The following NCAPG2 variants were observed in gnomAD, a reference collection of about 807,000 sequenced individuals.
The protein encoded by NCAPG2 is condensin-2 complex subunit G2.
A neutral mutation model predicts 141.1 loss-of-function variants in NCAPG2; 53 were observed. That is an observed-to-expected ratio of 0.38 (90% CI 0.30 to 0.47). The LOEUF is 0.47. Among genes scored for constraint, NCAPG2 ranks in the 20% least tolerant of loss-of-function variants. The pLI, the probability that NCAPG2 is intolerant of heterozygous loss-of-function variation, is 0.99. For synonymous variants in NCAPG2, 499 were observed against 490.7 expected (o/e 1.02, Z -0.22); for missense variants, 1,087 against 1,389.0 (o/e 0.78, Z 3.46).
intron 24 of NCAPG2, among the ~76,000 whole-genome samples, chr7:158,649,707 T>C (rs533272406): frequency 2.0e-5 from 3 of 152,360 alleles, no homozygotes; most frequent in African/African-American, 7.2e-5. Context: ...CATGATTTTA[T>C]ATTACAAAAT....
intron 8 of NCAPG2, among the ~76,000 whole-genome samples, chr7:158,685,306 C>T (rs922444337): frequency 2.0e-5 from 3 of 152,160 alleles, no homozygotes; most frequent in Non-Finnish European, 4.4e-5. Flanking sequence ...AAAGAGGTGA[C>T]TTGAAGTCCC....
rs922885498 is a variant in NCAPG2 at position 158,704,759 on chromosome 7, C to G, written c.-75G>C. On this transcript the variant is annotated 5_prime_UTR_variant, in exon 1 of 28. Coordinates refer to ENST00000356309, the MANE Select transcript of NCAPG2 (RefSeq NM_017760.7). ...GGACCCGCCGTTTCCCGCGCTCGGA[C>G]CAGATTCAAACGCACCCGCCGGCGC... 1 of 152,368 alleles carries G rather than the reference C, an allele frequency of 6.6e-6. No individual in the cohort carries two copies. The highest frequency in any genetic ancestry group is 2.4e-5 in the African/African-American group (1 of 41,458). 9.4% of individuals were successfully genotyped at this position (152,368 alleles called of 1,614,324 possible). A position where few individuals can be genotyped will look rare whatever the true frequency, so the allele number is the denominator to read the frequency against.
At chr7:158,653,598 CCA>C (rs1388001658) in intron 22 of NCAPG2, among the ~76,000 whole-genome samples, 6 of 152,140 alleles carry the variant, frequency 3.9e-5, no homozygotes, top group Admixed American at 2.0e-4. Context: ...CTGGGGGTGT[CCA>C]CACACACAGA....
chr7:158,646,538 G>A lies in NCAPG2; in HGVS notation c.3101C>T (p.Pro1034Leu), dbSNP rs918935569. Residue 1034 changes from proline to leucine, a missense_variant, in exon 25 of 28, where the codon CCT becomes CTT. Physicochemically the swap from Pro to Leu is moderately conservative, Grantham distance 98. Transcript: ENST00000356309. Reference sequence around the variant, plus strand: ...TGGAAGATCAGAAAGATGCTCTGGAGGGGTAAGCTCTTCTACGTCAGAAAC... The same window carrying A: ...TGGAAGATCAGAAAGATGCTCTGGAAGGGTAAGCTCTTCTACGTCAGAAAC... ...RKVSDVEELT[P>L]PEHLSDLPPF... 7 of 1,582,274 alleles carry A rather than the reference G, an allele frequency of 4.4e-6. No individual in the cohort carries two copies. Among genetic ancestry groups the A allele is most frequent in the Non-Finnish European group, 6.0e-6 (7 of 1,170,898 alleles).
At chr7:158,700,390 C>G (rs1052037225) in intron 2 of NCAPG2, among the ~76,000 whole-genome samples, 2 of 152,188 alleles carry the variant, frequency 1.3e-5, no homozygotes, top group African/African-American at 4.8e-5. Context: ...TCATTGTGGC[C>G]ACCAGTGTGA....
At chr7:158,663,286 G>T (rs1242629055) in intron 15 of NCAPG2, among the ~76,000 whole-genome samples, 1 of 152,268 alleles carries the variant, frequency 6.6e-6, no homozygotes, top group Non-Finnish European at 1.5e-5. Flanking sequence ...GGCAGTGAGG[G>T]TGTAGTGAGC....
chr7:158,678,109 T>A (rs1375830712), intron 11 of NCAPG2, among the ~76,000 whole-genome samples: 14 of 148,404 alleles, frequency 9.4e-5, no homozygotes, highest in South Asian at 2.1e-4. Context: ...TTTTTTATTT[T>A]AAAAAAAAAA....
At chr7:158,659,864 C>A (rs886190187) in intron 16 of NCAPG2, among the ~76,000 whole-genome samples, 1 of 152,138 alleles carries the variant, frequency 6.6e-6, no homozygotes, top group Non-Finnish European at 1.5e-5. Context: ...GTAATCCCAG[C>A]ACTTTGGGAG....
intron 13 of NCAPG2, among the ~76,000 whole-genome samples, chr7:158,666,006 C>G (rs937327608): frequency 1.0e-4 from 3 of 29,288 alleles, no homozygotes; most frequent in African/African-American, 3.4e-4. Context: ...ATTGGAAAGA[C>G]AGAGCAACCC....
At chr7:158,672,316 ATATATATATATATTTTTTTTTTTTT>A (rs1833773032) in intron 12 of NCAPG2, among the ~76,000 whole-genome samples, 13 of 35,756 alleles carry the variant, frequency 3.6e-4, no homozygotes, top group African/African-American at 8.8e-4. Flanking sequence ...ATATATATAT[ATATATATATATATTTTTTTTTTTTT>A]TTTTTTTTTT....
At chr7:158,703,996 G>C (rs1459628266) in intron 1 of NCAPG2, among the ~76,000 whole-genome samples, 2 of 151,708 alleles carry the variant, frequency 1.3e-5, no homozygotes, top group African/African-American at 2.4e-5. Flanking sequence ...CCAGGACAGA[G>C]GGGGTCGCTC....
At chr7:158,674,509 C>T (rs533066831) in intron 12 of NCAPG2, among the ~76,000 whole-genome samples, 2 of 152,136 alleles carry the variant, frequency 1.3e-5, no homozygotes, top group African/African-American at 2.4e-5. Flanking sequence ...AGGCTGGTCT[C>T]GAGCTCGTGA....
chr7:158,664,297 C>T lies in NCAPG2; in HGVS notation c.1703-1G>A. 1.2e-6 allele frequency: 2 copies of T among 1,608,882 alleles called. No homozygotes were observed. The highest frequency in any genetic ancestry group is 1.7e-6 in the Non-Finnish European group (2 of 1,175,288). On this transcript the variant is annotated splice_acceptor_variant, in intron 14 of 27. Coordinates refer to ENST00000356309, the MANE Select transcript of NCAPG2 (RefSeq NM_017760.7). LOFTEE classifies it high-confidence loss of function. ...TGACGAATAACGTGAATCAGCTTTGCTGAAATGTTTAGGATAAACAAGAAT... is the reference window on the plus strand; with the variant it reads ...TGACGAATAACGTGAATCAGCTTTGTTGAAATGTTTAGGATAAACAAGAAT...
At chr7:158,665,764 C>T (rs1563534679) in intron 13 of NCAPG2, among the ~76,000 whole-genome samples, 2 of 152,152 alleles carry the variant, frequency 1.3e-5, no homozygotes, top group Non-Finnish European at 2.9e-5. Context: ...ATGCAGTCCA[C>T]CCTCACTGAA....
Position 158,675,521 on chromosome 7 carries a change from C to A in NCAPG2, c.1282G>T (p.Ala428Ser). The change falls in exon 12 of 28, where the codon GCA becomes TCA. Residue 428 changes from alanine to serine, a missense_variant. Ala to Ser is a moderately conservative substitution (Grantham distance 99, BLOSUM62 1). Transcript: ENST00000356309. ...DLLKKVTGEL[A>S]FDTSSADVRC... is the part of the protein sequence containing the mutation. ...ACATCAGCTGAGCTCGTGTCAAATG[C>A]CAGTTCCCCAGTCACCTTCTTCAGG... The A allele has an allele frequency of 1.2e-6, 2 of 1,612,382 alleles. No homozygotes were observed. Among genetic ancestry groups the A allele is most frequent in the South Asian group, 2.2e-5 (2 of 90,454 alleles).
At chr7:158,662,548 C>T (rs1384565023) in intron 15 of NCAPG2, among the ~76,000 whole-genome samples, 181 bp from the exon 16 acceptor site, 6 of 152,268 alleles carry the variant, frequency 3.9e-5, no homozygotes, top group East Asian at 1.9e-4. Context: ...ATGCCCACCA[C>T]GATATAAATT....
At chr7:158,657,321 TCA>T (rs1832058393) in intron 17 of NCAPG2, among the ~76,000 whole-genome samples, 3 of 152,248 alleles carry the variant, frequency 2.0e-5, no homozygotes, top group Admixed American at 2.0e-4. Flanking sequence ...TATTTTGTAC[TCA>T]CAGCACATCT....
intron 15 of NCAPG2, 103 bp downstream of exon 15, chr7:158,664,081 T>C (rs1563531029): frequency 4.4e-6 from 4 of 917,638 alleles, no homozygotes; most frequent in South Asian, 3.0e-5. Context: ...TAATTAACAA[T>C]ACTAAAGGAA....
intron 9 of NCAPG2, among the ~76,000 whole-genome samples, chr7:158,681,045 T>A (rs1318485668): frequency 6.6e-6 from 1 of 152,156 alleles, no homozygotes; most frequent in African/African-American, 2.4e-5. Context: ...ATAAAAAGAT[T>A]AATGGCCTTG....
Sources: allele counts gnomAD v4.1 joint callset (sites outside exome capture counted in the v4.1 genomes callset), GRCh38; gene constraint gnomAD v4.1.1; transcripts MANE v1.5; gene names NCBI Gene and HGNC (gene_info 2026-07-23, HGNC 2026-07-21).